The following LAMA4 variants were observed in gnomAD, a reference collection of about 807,000 sequenced individuals.
LAMA4 encodes the protein laminin subunit alpha-4.
In LAMA4, 127 loss-of-function variants were observed where a neutral mutation model predicts 207.1. The ratio of observed to expected loss-of-function variants is 0.61; its 90% confidence interval spans 0.53 to 0.71. The LOEUF (loss-of-function observed/expected upper bound fraction) is 0.71, where lower values mean the gene tolerates loss of function less well. LAMA4 is among the 30% of genes least tolerant of loss of function. The probability of loss-of-function intolerance (pLI) is 0.00; values close to 1 mark genes in which losing one functional copy is unlikely to be tolerated. For missense variants in LAMA4, 2,093 were observed against 2,246.5 expected (o/e 0.93, Z 1.38); for synonymous variants, 761 against 816.0 (o/e 0.93, Z 1.15).
At chr6:112,195,198 T>G (rs782065771) in intron 5 of LAMA4, among the ~76,000 whole-genome samples, 1 of 152,118 alleles carries the variant, frequency 6.6e-6, no homozygotes, top group African/African-American at 2.4e-5. Context: ...GGGAGGGATG[T>G]CACTCTGTAG....
At position 112,118,904 on chromosome 6, in the gene LAMA4, A is replaced by G. The variant is rs113004983; in HGVS notation, c.4821+252T>C. Among the ~76,000 whole-genome samples the G allele has an allele frequency of 2.0e-3, 309 of 152,274 alleles. 1 individual carries two copies. Among genetic ancestry groups the G allele is most frequent in the African/African-American group, 7.2e-3 (299 of 41,556 alleles). On this transcript the variant is annotated intron_variant, in intron 34 of 38. Coordinates refer to ENST00000230538, the MANE Select transcript of LAMA4 (RefSeq NM_001105206.3). This position sits in a 1 kb window ranked among gnomAD's most constrained non-coding sequence, Gnocchi z 4.6. ...AGATCTCCTTGAGACATAAATTTTC[A>G]TGATAATTTATGCCTCTGAAACTTT...
At chr6:112,205,338 A>T (rs1233242766) in intron 4 of LAMA4, among the ~76,000 whole-genome samples, 16 of 152,136 alleles carry the variant, frequency 1.1e-4, no homozygotes, top group Admixed American at 1.0e-3. Flanking sequence ...TATGATGCAG[A>T]TCCTTACTTC....
At chr6:112,182,778 T>C (rs3777934) in intron 9 of LAMA4, among the ~76,000 whole-genome samples, 23,896 of 152,168 alleles carry the variant, frequency 0.16, 2,134 homozygotes, top group East Asian at 0.29. Flanking sequence ...TCACCTCTGC[T>C]TGTAGCCCAG....
At position 112,159,022 on chromosome 6, in the gene LAMA4, G is replaced by C; in HGVS notation, c.1669-142C>G. ...CAGGACCACATAAGTCTAAAATACT[G>C]TAAGTATATGTCTATTTATCCCGCA... On this transcript the variant is annotated intron_variant, in intron 13 of 38. Transcript: ENST00000230538. 4.6e-6 allele frequency: 3 copies of C among 651,778 alleles called. No individual in the cohort carries two copies. The South Asian group carries it at 5.5e-5, about 12-fold the overall frequency. The allele number at this position is 651,778 out of a possible 1,614,324, so 40.4% of individuals were successfully genotyped here.
chr6:112,147,279 T>G (rs1780085674), intron 18 of LAMA4, among the ~76,000 whole-genome samples: 1 of 152,032 alleles, frequency 6.6e-6, no homozygotes, highest in Non-Finnish European at 1.5e-5. Context: ...CTTCCTTGAG[T>G]GGTTACATGG....
intron 2 of LAMA4, among the ~76,000 whole-genome samples, chr6:112,250,866 A>G (rs971674321): frequency 5.3e-5 from 8 of 152,148 alleles, no homozygotes; most frequent in Non-Finnish European, 7.3e-5. Flanking sequence ...CCCCCACACC[A>G]GTTCTTTTCC....
At chr6:112,215,209 G>C (rs1196587502) in intron 3 of LAMA4, among the ~76,000 whole-genome samples, 4 of 152,142 alleles carry the variant, frequency 2.6e-5, no homozygotes, top group Non-Finnish European at 5.9e-5. Flanking sequence ...GGACATCCTG[G>C]TTGTAATGCT....
chr6:112,237,092 G>GTTT (rs1297486862), intron 2 of LAMA4, among the ~76,000 whole-genome samples: 39 of 152,118 alleles, frequency 2.6e-4, no homozygotes, highest in African/African-American at 9.2e-4. Flanking sequence ...CTTTGTTGTT[G>GTTT]TCCTCAGTAC....
intron 25 of LAMA4, 127 bp downstream of exon 25, chr6:112,135,996 G>T: frequency 1.2e-6 from 1 of 811,714 alleles, no homozygotes; most frequent in Non-Finnish European, 2.1e-6. Context: ...TCCTTCAGTT[G>T]CTCTTTAGAT....
At chr6:112,242,413 A>G (rs1786582816) in intron 2 of LAMA4, among the ~76,000 whole-genome samples, 1 of 152,240 alleles carries the variant, frequency 6.6e-6, no homozygotes, top group Admixed American at 6.5e-5. Flanking sequence ...CCATAATTAT[A>G]TCAAACATTT....
chr6:112,225,637 T>G (rs528539854), intron 2 of LAMA4, among the ~76,000 whole-genome samples: 3 of 152,216 alleles, frequency 2.0e-5, no homozygotes, highest in African/African-American at 7.2e-5. Flanking sequence ...TGAACTGTTA[T>G]AAACTTACTC....
intron 13 of LAMA4, among the ~76,000 whole-genome samples, chr6:112,162,965 CTTTTTTTTTTT>C (rs34824903): frequency 4.1e-4 from 37 of 91,248 alleles, no homozygotes; most frequent in Admixed American, 1.3e-4. Flanking sequence ...CAGCTCAAAT[CTTTTTTTTTTT>C]TTTTTTTTTT....
intron 18 of LAMA4, among the ~76,000 whole-genome samples, chr6:112,145,767 A>T (rs1554334392): frequency 6.6e-6 from 1 of 152,294 alleles, no homozygotes; most frequent in East Asian, 1.9e-4. Context: ...CATTTATAGT[A>T]CTTACTGATC....
At chr6:112,186,953 G>A in intron 8 of LAMA4, 1 of 450,406 alleles carries the variant, frequency 2.2e-6, no homozygotes, top group Non-Finnish European at 4.4e-6. Context: ...GTTTGACTGT[G>A]AGTATGAGAA....
intron 14 of LAMA4, chr6:112,157,975 T>C (rs1196681572): frequency 3.9e-5 from 6 of 152,248 alleles, no homozygotes; most frequent in African/African-American, 1.4e-4. Flanking sequence ...GTGATTTATA[T>C]TTTGAACAGA....
rs782302045 is a variant in LAMA4, at chr6:112,185,226, T to C, written c.1077+11A>G. 1 of 1,528,766 alleles carries C rather than the reference T, an allele frequency of 6.5e-7. No individual in the cohort carries two copies. Among genetic ancestry groups the C allele is most frequent in the Admixed American group, 1.7e-5 (1 of 59,904 alleles). The allele number at this position is 1,528,766 out of a possible 1,614,324, so 94.7% of individuals were successfully genotyped here. A position where few individuals can be genotyped will look rare whatever the true frequency, so the allele number is the denominator to read the frequency against. On this transcript the variant is annotated intron_variant, in intron 9 of 38. Coordinates refer to ENST00000230538, the MANE Select transcript of LAMA4 (RefSeq NM_001105206.3). ...AAGGCTGTCCCAGAAACTGAATACA[T>C]ACATACGTACCTTTTCAACTAATTC... is the stretch of plus-strand genomic sequence containing the variant.
At chr6:112,204,966 AGTT>A (rs1554353758) in intron 4 of LAMA4, among the ~76,000 whole-genome samples, 1 of 152,198 alleles carries the variant, frequency 6.6e-6, no homozygotes, top group Non-Finnish European at 1.5e-5. Flanking sequence ...GTGAAATGTT[AGTT>A]GATATTGGTG....
chr6:112,154,294 G>T (rs1436578249), intron 16 of LAMA4, among the ~76,000 whole-genome samples: 2 of 147,256 alleles, frequency 1.4e-5, no homozygotes, highest in Admixed American at 6.9e-5. Flanking sequence ...CTTTGGAAAT[G>T]CTTCTTACCA....
Position 112,178,144 on chromosome 6 carries a change from T to C in LAMA4, c.1166A>G (p.His389Arg), listed in dbSNP as rs782618362. Residue 389 changes from histidine (H) to arginine (R), a missense_variant, in exon 10 of 39, where the codon CAT becomes CGT. By Grantham distance (29) the His-to-Arg change is conservative. This residue lies in a region of LAMA4 where 1,704 missense variants were observed against 1,788.4 expected (regional missense o/e 0.95). Coordinates refer to ENST00000230538, the MANE Select transcript of LAMA4 (RefSeq NM_001105206.3). ...ACCTTGGATTTTATCCCTCATATCA[T>C]GGGCTTGCTCTACCAGCTGACTTGC... ...NHASQLVEQA[H>R]DMRDKIQEIN... The C allele has an allele frequency of 1.2e-5, 20 of 1,613,074 alleles. No homozygotes were observed. In the African/African-American group the frequency reaches 1.7e-4, roughly 14 times the overall value.
Sources: allele counts gnomAD v4.1 joint callset (sites outside exome capture counted in the v4.1 genomes callset), GRCh38; gene constraint gnomAD v4.1.1; regional missense constraint gnomAD v4.1.1; non-coding constraint Gnocchi (gnomAD v3.1); transcripts MANE v1.5; gene names NCBI Gene and HGNC (gene_info 2026-07-23, HGNC 2026-07-21).